The following LRRTM4 variants were observed in gnomAD, a reference collection of about 807,000 sequenced individuals.
LRRTM4 encodes leucine-rich repeat transmembrane neuronal protein 4.
LRRTM4 carries 25 observed loss-of-function variants against 47.6 expected under a neutral mutation model. That is an observed-to-expected ratio of 0.53 (90% CI 0.38 to 0.73). LRRTM4 has a LOEUF of 0.73. LRRTM4 is among the 30% of genes least tolerant of loss of function. The probability of loss-of-function intolerance (pLI) is 0.00; values close to 1 mark genes in which losing one functional copy is unlikely to be tolerated. For synonymous variants in LRRTM4, 311 were observed against 269.5 expected (o/e 1.15, Z -1.51); for missense variants, 638 against 713.4 (o/e 0.89, Z 1.20).
intron 3 of LRRTM4, among the ~76,000 whole-genome samples, chr2:77,388,313 G>A (rs1203721707): frequency 3.9e-5 from 6 of 152,072 alleles, no homozygotes; most frequent in Admixed American, 3.9e-4. Flanking sequence ...CGTGCAGTTG[G>A]TGGAAAAGAT....
rs111360281 is a variant in LRRTM4, at chr2:77,372,145, T to A, written c.1551+146173A>T. ...GGCTGCTGGCAAACTTGTCTAACTTTGTGCAGGAGGAAGACATTAGTTTTG... is the reference window on the plus strand; with the variant it reads ...GGCTGCTGGCAAACTTGTCTAACTTAGTGCAGGAGGAAGACATTAGTTTTG... On this transcript the variant is annotated intron_variant, in intron 3 of 3. Transcript: ENST00000409884. Among the ~76,000 whole-genome samples the A allele has an allele frequency of 1.2e-3, 178 of 151,874 alleles. 1 individual carries two copies. The highest frequency in any genetic ancestry group is 4.1e-3 in the African/African-American group (169 of 41,516).
At chr2:77,093,810 G>A (rs907065256) in intron 3 of LRRTM4, among the ~76,000 whole-genome samples, 2 of 151,036 alleles carry the variant, frequency 1.3e-5, no homozygotes, top group African/African-American at 2.5e-5. Flanking sequence ...CACCACAAAA[G>A]AAGTGTAAAT....
intron 3 of LRRTM4, among the ~76,000 whole-genome samples, chr2:76,920,466 C>T (rs1357192569): frequency 6.6e-6 from 1 of 152,064 alleles, no homozygotes; most frequent in Non-Finnish European, 1.5e-5. Flanking sequence ...AGGTTTTTCA[C>T]TTGTGTGAAA....
chr2:77,467,717 AC>A (rs1437089459), intron 3 of LRRTM4, among the ~76,000 whole-genome samples: 1 of 152,234 alleles, frequency 6.6e-6, no homozygotes, highest in Non-Finnish European at 1.5e-5. Flanking sequence ...ATTTAAAGTT[AC>A]ATTTTGTTTT....
intron 3 of LRRTM4, among the ~76,000 whole-genome samples, chr2:76,976,545 C>T (rs1676424513): frequency 6.6e-6 from 1 of 151,798 alleles, no homozygotes; most frequent in Non-Finnish European, 1.5e-5. Flanking sequence ...CTTTTTAGCT[C>T]TCCTTACAAT....
chr2:77,040,363 G>C (rs1413154892), intron 3 of LRRTM4, among the ~76,000 whole-genome samples: 2 of 151,222 alleles, frequency 1.3e-5, no homozygotes, highest in Non-Finnish European at 3.0e-5. Flanking sequence ...AAAATAAACA[G>C]CTCTTGTTTA....
At chr2:77,393,426 C>G (rs1055518349) in intron 3 of LRRTM4, among the ~76,000 whole-genome samples, 3 of 151,904 alleles carry the variant, frequency 2.0e-5, no homozygotes, top group Non-Finnish European at 4.4e-5. Flanking sequence ...AAGTAGGAGT[C>G]TCACCAGGGG....
At chr2:77,517,818 G>A in intron 3 of LRRTM4, 2 of 985,618 alleles carry the variant, frequency 2.0e-6, no homozygotes, top group Non-Finnish European at 2.4e-6. Flanking sequence ...CCTGTTGCAT[G>A]CTTTCATTAA....
intron 3 of LRRTM4, among the ~76,000 whole-genome samples, chr2:76,858,672 A>C (rs1193894869): frequency 3.3e-5 from 5 of 152,198 alleles, no homozygotes; most frequent in Non-Finnish European, 7.3e-5. Flanking sequence ...TTTACTATGA[A>C]AACTGCTCTG....
At chr2:77,295,584 G>A (rs552285995) in intron 3 of LRRTM4, among the ~76,000 whole-genome samples, 1 of 152,228 alleles carries the variant, frequency 6.6e-6, no homozygotes, top group South Asian at 2.1e-4. Context: ...CTCAACAGCA[G>A]AAATGTATTT....
chr2:77,398,246 A>G (rs192806578), intron 3 of LRRTM4, among the ~76,000 whole-genome samples: 1 of 152,010 alleles, frequency 6.6e-6, no homozygotes, highest in Non-Finnish European at 1.5e-5. Flanking sequence ...TCAATTTACA[A>G]TACGTCTTCA....
At chr2:76,784,320 C>G (rs1399892677) in intron 3 of LRRTM4, among the ~76,000 whole-genome samples, 2 of 151,950 alleles carry the variant, frequency 1.3e-5, no homozygotes, top group Non-Finnish European at 2.9e-5. Flanking sequence ...GAAAAGCATG[C>G]TTAATATCAT....
intron 3 of LRRTM4, among the ~76,000 whole-genome samples, chr2:76,801,266 A>G (rs983393796): frequency 2.6e-5 from 4 of 152,126 alleles, no homozygotes; most frequent in African/African-American, 7.2e-5. Context: ...AACCAACCCA[A>G]ATGTCCAACA....
chr2:77,024,611 A>C (rs1678389654), intron 3 of LRRTM4, among the ~76,000 whole-genome samples: 1 of 151,988 alleles, frequency 6.6e-6, no homozygotes, highest in African/African-American at 2.4e-5. Flanking sequence ...TAAGCCTTAT[A>C]ATCTCTTCTC....
intron 3 of LRRTM4, among the ~76,000 whole-genome samples, chr2:77,477,212 G>A (rs973723750): frequency 3.3e-5 from 5 of 152,170 alleles, no homozygotes; most frequent in East Asian, 3.9e-4. Flanking sequence ...CATCATGTAC[G>A]GTTGGATCAA....
intron 3 of LRRTM4, among the ~76,000 whole-genome samples, chr2:76,918,985 A>G (rs1483476845): frequency 1.3e-5 from 2 of 152,226 alleles, no homozygotes; most frequent in African/African-American, 4.8e-5. Flanking sequence ...GCAAAAGGAT[A>G]TAGATTAAAA....
At chr2:77,286,884 A>T (rs753416833) in intron 3 of LRRTM4, among the ~76,000 whole-genome samples, 2 of 152,122 alleles carry the variant, frequency 1.3e-5, no homozygotes, top group Admixed American at 1.3e-4. Context: ...TTTGGTTTAC[A>T]TAAAGAAAAT....
chr2:77,171,388 T>C (rs1002454524), intron 3 of LRRTM4, among the ~76,000 whole-genome samples: 2 of 152,102 alleles, frequency 1.3e-5, no homozygotes, highest in African/African-American at 4.8e-5. Flanking sequence ...GCAATTCTCC[T>C]GCCTCAACCT....
chr2:76,908,144 C>T (rs1303823607), intron 3 of LRRTM4, among the ~76,000 whole-genome samples: 1 of 149,736 alleles, frequency 6.7e-6, no homozygotes. Context: ...GCTTATCCAC[C>T]ATGATCAAGT....
Sources: allele counts gnomAD v4.1 joint callset (sites outside exome capture counted in the v4.1 genomes callset), GRCh38; gene constraint gnomAD v4.1.1; transcripts MANE v1.5; gene names NCBI Gene and HGNC (gene_info 2026-07-23, HGNC 2026-07-21).